The following TEX36 variants were observed in gnomAD, a reference collection of about 807,000 sequenced individuals.
TEX36 encodes testis-expressed protein 36.
Under a neutral mutation model 13.6 loss-of-function variants are expected in TEX36, and 12 were observed. The observed-to-expected ratio is 0.88, with a 90% CI of 0.56 to 1.43. The LOEUF (loss-of-function observed/expected upper bound fraction) is 1.43. TEX36 is among the 40% of genes most tolerant of loss of function. The pLI, the probability that TEX36 is intolerant of heterozygous loss-of-function variation, is 0.00. For synonymous variants in TEX36, 93 were observed against 83.0 expected, an observed-to-expected ratio of 1.12 and a Z score of -0.65; for missense variants, 224 against 228.3, an observed-to-expected ratio of 0.98 and a Z score of 0.12.
intron 3 of TEX36, among the ~76,000 whole-genome samples, chr10:125,623,849 G>C (rs1350031095): frequency 6.6e-6 from 1 of 152,212 alleles, no homozygotes; most frequent in East Asian, 1.9e-4. Context: ...TATGCAGTTT[G>C]AATCTATAAA....
intron 3 of TEX36, 56 bp from the exon 4 acceptor site, chr10:125,656,252 T>TA: frequency 1.0e-5 from 10 of 958,080 alleles, no homozygotes; most frequent in African/African-American, 7.5e-5. Flanking sequence ...CATAGTTCTT[T>TA]TTTTTTTTTT....
At chr10:125,654,306 TTCAAAATAGCCATAGAATA>T (rs1846908634), downstream of TEX36, among the ~76,000 whole-genome samples, 1 of 152,182 alleles carries the variant, frequency 6.6e-6, no homozygotes, top group East Asian at 1.9e-4. Flanking sequence ...AATTAAAACA[TTCAAAATAGCCATAGAATA>T]TCAAAATAGC....
At chr10:125,584,974 T>C (rs997135677) in intron 3 of TEX36, among the ~76,000 whole-genome samples, 1 of 152,182 alleles carries the variant, frequency 6.6e-6, no homozygotes, top group Non-Finnish European at 1.5e-5. Flanking sequence ...TTTTAAACAA[T>C]AGCTCAGATG....
At chr10:125,634,662 G>A (rs1221738449) in intron 3 of TEX36, among the ~76,000 whole-genome samples, 1 of 152,198 alleles carries the variant, frequency 6.6e-6, no homozygotes, top group African/African-American at 2.4e-5. Flanking sequence ...AGAAGAAAAT[G>A]ATAGTTGCTG....
intron 3 of TEX36, among the ~76,000 whole-genome samples, chr10:125,624,251 T>G (rs1846460063): frequency 6.6e-6 from 1 of 152,166 alleles, no homozygotes; most frequent in African/African-American, 2.4e-5. Context: ...CCCTAAGAAC[T>G]TCCCAAATGA....
At chr10:125,597,238 T>C (rs1846091801) in intron 3 of TEX36, among the ~76,000 whole-genome samples, 4 of 152,208 alleles carry the variant, frequency 2.6e-5, no homozygotes, top group African/African-American at 7.2e-5. Flanking sequence ...CAAACTCTAC[T>C]GTGTCCACCA....
rs1438329477 is a variant in TEX36 at position 125,674,506 on chromosome 10, AC to A, written c.51+8432del. Among the ~76,000 whole-genome samples, 4 of 152,166 alleles carry A rather than the reference AC, an allele frequency of 2.6e-5. No individual in the cohort carries two copies. The East Asian group carries it at 7.7e-4, about 29-fold the overall frequency. ...CATTTAGAGGATAAAAGGCACTCTG[AC>A]TTTTTGAGTTTTCAGCATTTTTTCA... On this transcript the variant is annotated intron_variant, in intron 1 of 3. Coordinates refer to ENST00000368821, the MANE Select transcript of TEX36 (RefSeq NM_001128202.3).
chr10:125,668,597 G>A (rs1847165619), intron 1 of TEX36, among the ~76,000 whole-genome samples: 1 of 151,300 alleles, frequency 6.6e-6, no homozygotes, highest in Non-Finnish European at 1.5e-5. Flanking sequence ...TGTTTATTTG[G>A]GTTTTCTCTT....
At chr10:125,642,790 G>A (rs1313222169) in intron 3 of TEX36, among the ~76,000 whole-genome samples, 1 of 152,192 alleles carries the variant, frequency 6.6e-6, no homozygotes, top group African/African-American at 2.4e-5. Context: ...CGGAGACCAG[G>A]CCTCAGACAA....
chr10:125,630,615 A>G (rs1474002623), intron 3 of TEX36, among the ~76,000 whole-genome samples: 1 of 152,170 alleles, frequency 6.6e-6, no homozygotes, highest in Non-Finnish European at 1.5e-5. Flanking sequence ...GGGACTGCCT[A>G]AGGACATGAA....
intron 3 of TEX36, among the ~76,000 whole-genome samples, chr10:125,638,650 C>A (rs780235408): frequency 2.0e-5 from 3 of 152,238 alleles, no homozygotes; most frequent in African/African-American, 7.2e-5. Flanking sequence ...CTTCTCCCTA[C>A]GTGTCTAGTC....
chr10:125,657,479 A>G (rs948017738), intron 3 of TEX36, among the ~76,000 whole-genome samples: 6 of 152,300 alleles, frequency 3.9e-5, no homozygotes, highest in Non-Finnish European at 8.8e-5. Flanking sequence ...TGACTTGAGG[A>G]TACTCCAGCA....
intron 3 of TEX36, among the ~76,000 whole-genome samples, chr10:125,588,401 G>A (rs996023505): frequency 7.9e-5 from 12 of 152,322 alleles, no homozygotes; most frequent in African/African-American, 2.9e-4. Flanking sequence ...CTGAGGCTAG[G>A]TAATTTATAA....
chr10:125,610,020 A>G (rs375553081), intron 3 of TEX36, among the ~76,000 whole-genome samples: 1 of 152,212 alleles, frequency 6.6e-6, no homozygotes, highest in East Asian at 1.9e-4. Flanking sequence ...ATTATAATAC[A>G]TGAGCATACT....
intron 3 of TEX36, among the ~76,000 whole-genome samples, chr10:125,586,137 C>T (rs766723431): frequency 4.0e-4 from 61 of 152,172 alleles, no homozygotes; most frequent in Non-Finnish European, 7.1e-4. Context: ...AAGTTTGTGT[C>T]CTATACACAT....
At chr10:125,614,823 T>G (rs1310325714) in intron 3 of TEX36, among the ~76,000 whole-genome samples, 2 of 152,304 alleles carry the variant, frequency 1.3e-5, no homozygotes, top group East Asian at 1.9e-4. Flanking sequence ...GTGAAGAAAG[T>G]CATTGGTAGC....
chr10:125,637,045 T>C (rs1460177922), intron 3 of TEX36, among the ~76,000 whole-genome samples: 1 of 152,098 alleles, frequency 6.6e-6, no homozygotes, highest in East Asian at 1.9e-4. Flanking sequence ...CTTATGCTGG[T>C]AATCCCAGCA....
chr10:125,682,417 G>A (rs1397111859), intron 1 of TEX36, among the ~76,000 whole-genome samples: 1 of 152,228 alleles, frequency 6.6e-6, no homozygotes, highest in Non-Finnish European at 1.5e-5. Context: ...TCATAGGCCG[G>A]AGGGGCTAAA....
At chr10:125,666,595 T>A (rs767038135) in intron 1 of TEX36, among the ~76,000 whole-genome samples, 16 of 152,118 alleles carry the variant, frequency 1.1e-4, no homozygotes, top group Non-Finnish European at 2.2e-4. Context: ...TTGCATTTAG[T>A]TTGCTGGTAT....
Sources: allele counts gnomAD v4.1 joint callset (sites outside exome capture counted in the v4.1 genomes callset), GRCh38; gene constraint gnomAD v4.1.1; transcripts MANE v1.5; gene names NCBI Gene and HGNC (gene_info 2026-07-23, HGNC 2026-07-21).